RALYL: variants seen among roughly 807,000 people sequenced by gnomAD.
RALYL encodes RALY RNA binding protein like.
A neutral mutation model predicts 35.1 loss-of-function variants in RALYL; 29 were observed. The ratio of observed to expected loss-of-function variants is 0.83; its 90% confidence interval spans 0.61 to 1.13. The LOEUF is 1.13. RALYL is among the 50% of genes most tolerant of loss of function. The pLI is 0.00. For synonymous variants in RALYL, 120 were observed against 127.6 expected (o/e 0.94, Z 0.40); for missense variants, 359 against 360.4 (o/e 1.00, Z 0.03).
chr8:84,768,847 T>G (rs989019354), intron 2 of RALYL, among the ~76,000 whole-genome samples: 1 of 152,256 alleles, frequency 6.6e-6, no homozygotes, highest in Non-Finnish European at 1.5e-5. Flanking sequence ...TTTGGCATTT[T>G]TTAATACCTT....
chr8:84,507,885 A>C (rs1244774004), intron 1 of RALYL, among the ~76,000 whole-genome samples: 1 of 152,152 alleles, frequency 6.6e-6, no homozygotes, highest in Non-Finnish European at 1.5e-5. Context: ...GCAGACCCTA[A>C]ATACATTGCT....
intron 7 of RALYL, among the ~76,000 whole-genome samples, chr8:84,887,086 A>C (rs1843011894): frequency 1.3e-5 from 2 of 151,580 alleles, no homozygotes; most frequent in South Asian, 4.1e-4. Flanking sequence ...ATTCACACAG[A>C]CATGTTGTCT....
intron 2 of RALYL, among the ~76,000 whole-genome samples, chr8:84,713,026 G>C (rs1031756632): frequency 6.6e-6 from 1 of 152,018 alleles, no homozygotes; most frequent in African/African-American, 2.4e-5. Flanking sequence ...TATCCAAAAA[G>C]TTTTGGCTCA....
intron 2 of RALYL, among the ~76,000 whole-genome samples, chr8:84,562,813 G>A (rs2061550133): frequency 6.6e-6 from 1 of 151,878 alleles, no homozygotes; most frequent in Non-Finnish European, 1.5e-5. Flanking sequence ...GCTAATTAAA[G>A]TTAGGGAGGC....
chr8:84,322,318 T>A (rs1183958849), intron 1 of RALYL, among the ~76,000 whole-genome samples: 4 of 151,998 alleles, frequency 2.6e-5, no homozygotes, highest in Non-Finnish European at 4.4e-5. Context: ...AGGAGAAGAT[T>A]TATCTCAAAA....
intron 2 of RALYL, among the ~76,000 whole-genome samples, chr8:84,682,757 G>A (rs887154971): frequency 2.6e-5 from 4 of 151,724 alleles, no homozygotes; most frequent in Non-Finnish European, 5.9e-5. Flanking sequence ...CTTGCTAGCG[G>A]TCTATCAATT....
intron 2 of RALYL, among the ~76,000 whole-genome samples, chr8:84,625,892 G>A (rs1188424083): frequency 1.3e-5 from 2 of 152,202 alleles, no homozygotes; most frequent in Non-Finnish European, 2.9e-5. Context: ...TCATGGTCAA[G>A]TCACATGTCA....
chr8:84,843,011 A>T (rs990849994), intron 4 of RALYL, among the ~76,000 whole-genome samples: 1 of 152,230 alleles, frequency 6.6e-6, no homozygotes, highest in Non-Finnish European at 1.5e-5. Flanking sequence ...AGCCAATATC[A>T]TACTGAATGG....
chr8:84,393,254 G>A (rs940658993), intron 1 of RALYL, among the ~76,000 whole-genome samples: 4 of 151,940 alleles, frequency 2.6e-5, no homozygotes, highest in East Asian at 3.9e-4. Flanking sequence ...CCGCTCCCAC[G>A]CTCACTTACA....
intron 8 of RALYL, among the ~76,000 whole-genome samples, chr8:84,913,909 A>T (rs1446942921): frequency 6.6e-6 from 1 of 151,940 alleles, no homozygotes; most frequent in Non-Finnish European, 1.5e-5. Flanking sequence ...GATTAATTTT[A>T]TGCAATTTTA....
chr8:84,708,750 C>T (rs1183203487), intron 2 of RALYL, among the ~76,000 whole-genome samples: 1 of 152,016 alleles, frequency 6.6e-6, no homozygotes. Context: ...AAACCTGTAA[C>T]CTCCCTTGCT....
chr8:84,888,035 A>C (rs1349198336), intron 8 of RALYL, among the ~76,000 whole-genome samples: 2 of 152,258 alleles, frequency 1.3e-5, no homozygotes, highest in Non-Finnish European at 2.9e-5. Context: ...CCAAAGTGAA[A>C]GATTCTCTCC....
intron 2 of RALYL, among the ~76,000 whole-genome samples, chr8:84,537,312 A>C (rs1461460543): frequency 6.6e-6 from 1 of 151,942 alleles, no homozygotes; most frequent in Non-Finnish European, 1.5e-5. Flanking sequence ...TCTGCAAAAA[A>C]TACAAAAATT....
chr8:84,554,358 T>C (rs1044748688), intron 2 of RALYL, among the ~76,000 whole-genome samples: 4 of 152,208 alleles, frequency 2.6e-5, no homozygotes, highest in African/African-American at 9.6e-5. Flanking sequence ...GTGCATCTTT[T>C]GAAGAGAAAA....
At chr8:84,320,082 T>C (rs1018000700) in intron 1 of RALYL, among the ~76,000 whole-genome samples, 1 of 152,094 alleles carries the variant, frequency 6.6e-6, no homozygotes, top group Non-Finnish European at 1.5e-5. Context: ...GTCTCTATAG[T>C]TGGAATTCTA....
intron 1 of RALYL, among the ~76,000 whole-genome samples, chr8:84,326,872 G>C (rs1019855235): frequency 3.9e-5 from 6 of 152,078 alleles, no homozygotes; most frequent in Non-Finnish European, 8.8e-5. Flanking sequence ...CAGCAAATCA[G>C]ATTTTAAATG....
At chr8:84,325,505 C>T (rs1370778908) in intron 1 of RALYL, among the ~76,000 whole-genome samples, 1 of 152,200 alleles carries the variant, frequency 6.6e-6, no homozygotes, top group Non-Finnish European at 1.5e-5. Flanking sequence ...TGTCAACTCT[C>T]AGAAATTCTC....
At chr8:84,583,756 T>G (rs1379035774) in intron 2 of RALYL, among the ~76,000 whole-genome samples, 3 of 152,140 alleles carry the variant, frequency 2.0e-5, no homozygotes, top group South Asian at 2.1e-4. Flanking sequence ...TAGTATATGC[T>G]AGGCACTGCT....
Position 84,606,882 on chromosome 8 carries a change from T to C in RALYL, c.256+77305T>C, listed in dbSNP as rs112344440. On this transcript the variant is annotated intron_variant, in intron 2 of 8. Transcript: ENST00000521268. ...AGTGTAGAGGAAAGATTTGGAGTCATAGAATTGAGTTCCAATTCTGCTCTC... is the reference window on the plus strand; with the variant it reads ...AGTGTAGAGGAAAGATTTGGAGTCACAGAATTGAGTTCCAATTCTGCTCTC... 8.4e-3 allele frequency among the ~76,000 whole-genome samples: 1,273 copies of C among 152,264 alleles called. 16 individuals are homozygous for C. Among genetic ancestry groups the C allele is most frequent in the African/African-American group, 0.028 (1,183 of 41,572 alleles).
Sources: allele counts gnomAD v4.1 joint callset (sites outside exome capture counted in the v4.1 genomes callset), GRCh38; gene constraint gnomAD v4.1.1; transcripts MANE v1.5; gene names NCBI Gene and HGNC (gene_info 2026-07-23, HGNC 2026-07-21).